The following IKZF4 variants were observed in gnomAD, a reference collection of about 807,000 sequenced individuals.
IKZF4 encodes the protein zinc finger protein Eos.
IKZF4 carries 11 observed loss-of-function variants against 47.7 expected under a neutral mutation model. The ratio of observed to expected loss-of-function variants is 0.23; its 90% confidence interval spans 0.15 to 0.38. The LOEUF (loss-of-function observed/expected upper bound fraction) is 0.38. IKZF4 is among the 10% of genes least tolerant of loss of function. The probability of loss-of-function intolerance (pLI) is 1.00; values close to 1 mark genes in which losing one functional copy is unlikely to be tolerated. For synonymous variants in IKZF4, 298 were observed against 299.4 expected (o/e 1.00, Z 0.05); for missense variants, 557 against 784.9 (o/e 0.71, Z 3.47).
At chr12:56,012,057 T>C (rs901633414) in intron 2 of IKZF4, among the ~76,000 whole-genome samples, 8 of 151,880 alleles carry the variant, frequency 5.3e-5, no homozygotes, top group African/African-American at 1.9e-4. Flanking sequence ...ACATGGGAAG[T>C]TCTGTCTTGT....
intron 7 of IKZF4, 144 bp from the exon 8 acceptor site, chr12:56,034,427 C>A: frequency 5.3e-6 from 4 of 756,452 alleles, no homozygotes; most frequent in Non-Finnish European, 8.4e-6. Flanking sequence ...AGCAGTCCCA[C>A]AAAGGACCTG....
intron 1 of IKZF4, 164 bp downstream of exon 1, chr12:56,021,744 G>A: frequency 9.3e-7 from 1 of 1,077,418 alleles, no homozygotes; most frequent in Non-Finnish European, 1.3e-6. Context: ...CGGGGGAGGG[G>A]GCGTTCCTCC....
At position 56,027,701 on chromosome 12, in the gene IKZF4, A is replaced by G. The variant is rs770190117; in HGVS notation, c.548-79A>G. 5.2e-4 allele frequency: 758 copies of G among 1,446,352 alleles called. 2 individuals carry two copies. Among genetic ancestry groups the G allele is most frequent in the Non-Finnish European group, 6.6e-4 (694 of 1,047,596 alleles). The allele number at this position is 1,446,352 out of a possible 1,614,324, so 89.6% of individuals were successfully genotyped here. ...CAGAGCACCTTCCCTTGGGCAAGGT[A>G]GGGCAGAGGGTGGGTGATAGGTTCA... On this transcript the variant is annotated intron_variant, in intron 4 of 7. Transcript: ENST00000547167.
chr12:56,025,302 G>A (rs1253965617), intron 3 of IKZF4, 144 bp downstream of exon 3: 2 of 927,836 alleles, frequency 2.2e-6, no homozygotes. Flanking sequence ...GAGGAGCCCA[G>A]TGTCTAGGGT....
At chr12:56,013,742 C>T (rs1014060074) in intron 2 of IKZF4, among the ~76,000 whole-genome samples, 18 of 152,116 alleles carry the variant, frequency 1.2e-4, no homozygotes, top group African/African-American at 4.1e-4. Context: ...GAGACTTGAG[C>T]AAAGAGTAAA....
intron 2 of IKZF4, among the ~76,000 whole-genome samples, chr12:56,015,947 C>A (rs1395605286): frequency 1.3e-5 from 2 of 152,290 alleles, no homozygotes; most frequent in East Asian, 3.9e-4. Context: ...TCCCAAAGTT[C>A]AGTCCATCCC....
chr12:56,008,967 G>A (rs927783410), intron 1 of IKZF4, among the ~76,000 whole-genome samples: 1 of 152,108 alleles, frequency 6.6e-6, no homozygotes, highest in Non-Finnish European at 1.5e-5. Context: ...ATGAGCCACC[G>A]TGCCTGGCCA....
In IKZF4 at chr12:56,034,621, T is replaced by C; in HGVS notation, c.1048T>C (p.Ser350Pro). Residue 350 changes from serine to proline, a missense_variant, in exon 8 of 8, where the codon TCG (serine) becomes CCG (proline). By Grantham distance (74) the Ser-to-Pro change is moderately conservative. This residue lies in a region of IKZF4 where 280 missense variants were observed against 314.0 expected (regional missense o/e 0.89). Coordinates refer to ENST00000547167, the MANE Select transcript of IKZF4 (RefSeq NM_022465.4). Reference sequence around the variant, plus strand: ...CTCAGACCTCCCCTATGATGTGAACTCGGGTGGCTATGAAAAGGATGTGGA... The same window carrying C: ...CTCAGACCTCCCCTATGATGTGAACCCGGGTGGCTATGAAAAGGATGTGGA... ...SLSDLPYDVNSGGYEKDVELV... is the reference protein window; with the variant it reads ...SLSDLPYDVNPGGYEKDVELV... 1 of 1,613,888 alleles carries C rather than the reference T, an allele frequency of 6.2e-7. No homozygotes were observed. Among genetic ancestry groups the C allele is most frequent in the South Asian group, 1.1e-5 (1 of 91,080 alleles).
upstream of IKZF4, among the ~76,000 whole-genome samples, chr12:56,020,222 A>G (rs1466133369): frequency 2.0e-5 from 3 of 152,250 alleles, no homozygotes; most frequent in African/African-American, 7.2e-5. Context: ...AGAGATTTGA[A>G]TTCCTCACAG....
intron 7 of IKZF4, 49 bp from the exon 8 acceptor site, chr12:56,034,522 G>A (rs1200934432): frequency 7.2e-6 from 11 of 1,525,294 alleles, no homozygotes; most frequent in Non-Finnish European, 9.7e-6. Flanking sequence ...CCTGAGGAGA[G>A]TGTAGGAATT....
chr12:56,017,689 A>G (rs1443350576), upstream of IKZF4, among the ~76,000 whole-genome samples: 1 of 152,064 alleles, frequency 6.6e-6, no homozygotes, highest in Non-Finnish European at 1.5e-5. Flanking sequence ...TCACCAGGAC[A>G]AAGTGTAAGG....
chr12:56,037,157 C>G lies in IKZF4; in HGVS notation c.*1826C>G, dbSNP rs1379509556. On this transcript the variant is annotated 3_prime_UTR_variant, in exon 8 of 8. Transcript: ENST00000547167. ...GGGCTCTGAGAGGAGTCTACCTTGC[C>G]TTCTTATGGGAAGGGAGACCCTAAA... The G allele has an allele frequency of 6.6e-6, 1 of 152,344 alleles. No individual in the cohort carries two copies. The allele number at this position is 152,344 out of a possible 1,614,324, so 9.4% of individuals were successfully genotyped here.
chr12:56,024,053 T>A, intron 2 of IKZF4: 1 of 529,066 alleles, frequency 1.9e-6, no homozygotes, highest in Non-Finnish European at 2.4e-6. Flanking sequence ...TATATTTGTG[T>A]AGAAGATTGT....
chr12:56,021,594 G>GATA lies in IKZF4; in HGVS notation c.87+15_87+16insTAA. 6.3e-7 allele frequency: 1 copy of GATA among 1,590,554 alleles called. No individual in the cohort carries two copies. The highest frequency in any genetic ancestry group is 8.6e-7 in the Non-Finnish European group (1 of 1,169,468). On this transcript the variant is annotated intron_variant, in intron 1 of 7. Coordinates refer to ENST00000547167, the MANE Select transcript of IKZF4 (RefSeq NM_022465.4). ...GGGAAGGATAATGTAAGTTCAGGCA[G>GATA]AAGGCGGCTAGTGGAGGGAGGAAGG...
upstream of IKZF4, among the ~76,000 whole-genome samples, chr12:56,017,552 G>C (rs919523224): frequency 6.6e-6 from 1 of 151,938 alleles, no homozygotes; most frequent in Non-Finnish European, 1.5e-5. Flanking sequence ...CTACATACAC[G>C]GTCTAATCTC....
chr12:56,022,823 G>T (rs372628881), intron 1 of IKZF4, among the ~76,000 whole-genome samples: 2 of 134,382 alleles, frequency 1.5e-5, no homozygotes, highest in Middle Eastern at 4.4e-3. Flanking sequence ...TTTTTGAGAC[G>T]GAGTCTCGCT....
chr12:56,035,663 C>CG lies in IKZF4; in HGVS notation c.*332_*333insG. 1 of 216,134 alleles carries CG rather than the reference C, an allele frequency of 4.6e-6. No individual in the cohort carries two copies. Among genetic ancestry groups the CG allele is most frequent in the Non-Finnish European group, 9.3e-6 (1 of 108,008 alleles). The allele number at this position is 216,134 out of a possible 1,614,324, so 13.4% of individuals were successfully genotyped here. A position where few individuals can be genotyped will look rare whatever the true frequency, so the allele number is the denominator to read the frequency against. Reference sequence around the variant, plus strand: ...TGCCACTCCCCCACCCTCCTGTCCACAACTCCTTTCCACTTTAGGCCAATT... The same window carrying CG: ...TGCCACTCCCCCACCCTCCTGTCCACGAACTCCTTTCCACTTTAGGCCAATT... On this transcript the variant is annotated 3_prime_UTR_variant, in exon 8 of 8. Coordinates refer to ENST00000547167, the MANE Select transcript of IKZF4 (RefSeq NM_022465.4). This position sits in a 1 kb window ranked among gnomAD's most constrained non-coding sequence, Gnocchi z 6.1.
intron 2 of IKZF4, among the ~76,000 whole-genome samples, chr12:56,012,580 CT>C (rs60809792): frequency 0.023 from 3,264 of 143,650 alleles, 71 homozygotes; most frequent in African/African-American, 0.063. Flanking sequence ...GCCTAAATTA[CT>C]TTTTTTTTTT....
upstream of IKZF4, among the ~76,000 whole-genome samples, chr12:56,016,753 T>C (rs201119448): frequency 1.3e-5 from 2 of 152,068 alleles, no homozygotes; most frequent in Non-Finnish European, 2.9e-5. Context: ...TGCGCCACCA[T>C]GCCTGGCTAA....
Sources: gnomAD v4.1 joint callset for allele counts (sites outside exome capture counted in the v4.1 genomes callset) on GRCh38, gnomAD v4.1.1 for gene constraint, gnomAD v4.1.1 regional missense constraint, Gnocchi (gnomAD v3.1) non-coding constraint, MANE v1.5 for transcripts, NCBI Gene and HGNC (gene_info 2026-07-23, HGNC 2026-07-21) for gene names.